The following ZPBP2 variants were observed in gnomAD, a reference collection of about 807,000 sequenced individuals.
ZPBP2 encodes zona pellucida binding protein 2, also known as zona pellucida-binding protein 2.
A neutral mutation model predicts 37.5 loss-of-function variants in ZPBP2; 34 were observed. The ratio of observed to expected loss-of-function variants is 0.91; its 90% CI spans 0.69 to 1.21. ZPBP2 has a LOEUF of 1.21. ZPBP2 is among the 50% of genes most tolerant of loss of function. The pLI is 0.00. For synonymous variants in ZPBP2, 143 were observed against 138.4 expected (o/e 1.03, Z -0.23); for missense variants, 397 against 413.5 (o/e 0.96, Z 0.35).
chr17:39,869,457 T>A (rs1287589073), intron 2 of ZPBP2, among the ~76,000 whole-genome samples: 1 of 144,754 alleles, frequency 6.9e-6, no homozygotes, highest in Non-Finnish European at 1.5e-5. Flanking sequence ...CAGGCTGGAG[T>A]GCAATGGCAC....
chr17:39,868,598 C>A lies in ZPBP2; in HGVS notation c.102C>A (p.Gly34=). Residue 34 remains glycine, a synonymous_variant, in exon 2 of 8, where the codon GGC becomes GGA. Transcript: ENST00000348931. The part of the protein sequence containing the change: ...TLFNKKGFIY[G]KTGQPDKIYV... The stretch of plus-strand genomic sequence containing the variant: ...TCAATAAGAAGGGCTTCATTTATGG[C>A]AAGACAGGACAGCCAGGTAATAAGG... The A allele has an allele frequency of 6.2e-7, 1 of 1,614,092 alleles. No homozygotes were observed. The highest frequency in any genetic ancestry group is 8.5e-7 in the Non-Finnish European group (1 of 1,180,030).
rs1341881155 is a variant in ZPBP2, at chr17:39,876,754, A to G, written c.962A>G (p.Tyr321Cys). 20 of 1,613,784 alleles carry G rather than the reference A, an allele frequency of 1.2e-5. No individual in the cohort carries two copies. The highest frequency in any genetic ancestry group is 1.6e-5 in the Non-Finnish European group (19 of 1,179,916). Residue 321 changes from tyrosine (Y) to cysteine (C), a missense_variant, in exon 8 of 8, where the codon TAT (tyrosine) becomes TGT (cysteine). Coordinates refer to ENST00000348931, the MANE Select transcript of ZPBP2 (RefSeq NM_199321.3). ...CAGACCTGCGTTTCCGTCCTTACCTATGGAGCTAAATCTTGCCCACAAACT... is the reference window on the plus strand; with the variant it reads ...CAGACCTGCGTTTCCGTCCTTACCTGTGGAGCTAAATCTTGCCCACAAACT... ...TCQTCVSVLT[Y>C]GAKSCPQTSN...
At chr17:39,872,145 A>T (rs1238814090) in intron 4 of ZPBP2, 125 bp from the exon 5 acceptor site, 1 of 657,528 alleles carries the variant, frequency 1.5e-6, no homozygotes. Flanking sequence ...ATAAAACGTT[A>T]TGTTTCTATG....
intron 3 of ZPBP2, among the ~76,000 whole-genome samples, chr17:39,871,144 A>G (rs774738093): frequency 2.0e-5 from 3 of 152,166 alleles, no homozygotes; most frequent in Non-Finnish European, 4.4e-5. Context: ...GCCTTGGAAC[A>G]TAAGTATTAT....
chr17:39,875,883 C>CCTTTTTTTTT lies in ZPBP2; in HGVS notation c.889+449_889+450insCTTTTTTTTT, dbSNP rs1555647948. Among the ~76,000 whole-genome samples the CCTTTTTTTTT allele has an allele frequency of 2.0e-4, 13 of 63,772 alleles. 1 individual carries two copies. Among genetic ancestry groups the CCTTTTTTTTT allele is most frequent in the Non-Finnish European group, 4.0e-4 (12 of 30,090 alleles). The allele number at this position is 63,772 out of a possible 152,430, so 41.8% of individuals were successfully genotyped here. A position where few individuals can be genotyped will look rare whatever the true frequency, so the allele number is the denominator to read the frequency against. On this transcript the variant is annotated intron_variant, in intron 7 of 7. Coordinates refer to ENST00000348931, the MANE Select transcript of ZPBP2 (RefSeq NM_199321.3). ...AGGTGTGGGCTACCATGCTTGGCCC[C>CCTTTTTTTTT]TTTTTTTTTTTTTTTTTTTTTTTTT...
chr17:39,870,494 A>G (rs1325344825), intron 2 of ZPBP2, among the ~76,000 whole-genome samples, 200 bp from the exon 3 acceptor site: 1 of 150,974 alleles, frequency 6.6e-6, no homozygotes, highest in African/African-American at 2.5e-5. Context: ...ACTCGTGACT[A>G]ACAGTGTAGA....
At position 39,871,461 on chromosome 17, in the gene ZPBP2, T is replaced by C; in HGVS notation, c.245-3T>C. 1.9e-6 allele frequency: 3 copies of C among 1,560,470 alleles called. No homozygotes were observed. Among genetic ancestry groups the C allele is most frequent in the African/African-American group, 2.8e-5 (2 of 72,532 alleles). On this transcript the variant is annotated splice_polypyrimidine_tract_variant and splice_region_variant and intron_variant, in intron 3 of 7. Transcript: ENST00000348931. ...TAAATAAGTAATTTACTATTCTGTT[T>C]AGGAAATAATAGAATAAATATAACT...
intron 2 of ZPBP2, among the ~76,000 whole-genome samples, chr17:39,869,979 G>A (rs2063356021): frequency 6.6e-6 from 1 of 152,094 alleles, no homozygotes; most frequent in South Asian, 2.1e-4. Context: ...CTCCCAAAGT[G>A]CTGGGATTAC....
Position 39,868,252 on chromosome 17 carries a change from C to T in ZPBP2, c.-103C>T, listed in dbSNP as rs1478389400. The T allele has an allele frequency of 9.0e-6, 12 of 1,335,140 alleles. No homozygotes were observed. Among genetic ancestry groups the T allele is most frequent in the African/African-American group, 1.4e-5 (1 of 69,472 alleles). 82.7% of individuals were successfully genotyped at this position (1,335,140 alleles called of 1,614,324 possible). ...GGACGGGTAGGGGAGGCGACCCCGG[C>T]GTTCTGCTCCGCACTGTGGAGGAGG... On this transcript the variant is annotated 5_prime_UTR_variant, in exon 1 of 8. Transcript: ENST00000348931.
At chr17:39,870,170 G>C (rs995042248) in intron 2 of ZPBP2, among the ~76,000 whole-genome samples, 4 of 151,902 alleles carry the variant, frequency 2.6e-5, no homozygotes, top group African/African-American at 9.7e-5. Context: ...CAGCCTCCCG[G>C]GTAGCTGGGA....
intron 2 of ZPBP2, among the ~76,000 whole-genome samples, chr17:39,869,262 C>T (rs765751518): frequency 6.6e-6 from 1 of 152,150 alleles, no homozygotes; most frequent in African/African-American, 2.4e-5. Context: ...AAACCAGAAA[C>T]AAGAAGTAAT....
chr17:39,871,960 AT>A (rs1449660002), intron 4 of ZPBP2, among the ~76,000 whole-genome samples: 4 of 152,100 alleles, frequency 2.6e-5, no homozygotes, highest in African/African-American at 9.7e-5. Context: ...AGCAATGACA[AT>A]TTCTGTGAAT....
rs1434684591 is a variant in ZPBP2, at chr17:39,877,775, T to C, written c.*966T>C. 2 of 152,220 alleles carry C rather than the reference T, an allele frequency of 1.3e-5. No individual in the cohort carries two copies. The highest frequency in any genetic ancestry group is 1.3e-4 in the Admixed American group (2 of 15,286). The allele number at this position is 152,220 out of a possible 1,614,324, so 9.4% of individuals were successfully genotyped here. A position where few individuals can be genotyped will look rare whatever the true frequency, so the allele number is the denominator to read the frequency against. On this transcript the variant is annotated 3_prime_UTR_variant, in exon 8 of 8. Transcript: ENST00000348931. Reference sequence around the variant, plus strand: ...GTCTTTTTGTGACTTGATAGCTCATTTTTTATTGCTGAATAATGTTCATTG... The same window carrying C: ...GTCTTTTTGTGACTTGATAGCTCATCTTTTATTGCTGAATAATGTTCATTG...
At position 39,868,376 on chromosome 17, in the gene ZPBP2, C is replaced by A. The variant is rs1568089139; in HGVS notation, c.22C>A (p.Leu8Ile). MMRTCVL[L>I]SAVLWCLTGV... ...AGCGATGATGCGAACGTGCGTCCTACTCTCCGCGGTGCTCTGGTGCCTCAC... is the reference window on the plus strand; with the variant it reads ...AGCGATGATGCGAACGTGCGTCCTAATCTCCGCGGTGCTCTGGTGCCTCAC... The change falls in exon 1 of 8, where the codon CTC (leucine) becomes ATC (isoleucine). Residue 8 changes from leucine to isoleucine, a missense_variant. Physicochemically the swap from Leu to Ile is conservative, Grantham distance 5. Coordinates refer to ENST00000348931, the MANE Select transcript of ZPBP2 (RefSeq NM_199321.3). 1 of 1,610,256 alleles carries A rather than the reference C, an allele frequency of 6.2e-7. No homozygotes were observed. Among genetic ancestry groups the A allele is most frequent in the South Asian group, 1.1e-5 (1 of 91,084 alleles).
chr17:39,877,460 C>T lies in ZPBP2; in HGVS notation c.*651C>T, dbSNP rs1054241236. On this transcript the variant is annotated 3_prime_UTR_variant, in exon 8 of 8. Coordinates refer to ENST00000348931, the MANE Select transcript of ZPBP2 (RefSeq NM_199321.3). ...ATATTAATTTATTATTAATTATAGC[C>T]CATAGTTCACATTAAGATTCATTGT... The T allele has an allele frequency of 6.6e-6, 1 of 152,062 alleles. No individual in the cohort carries two copies. Among genetic ancestry groups the T allele is most frequent in the African/African-American group, 2.4e-5 (1 of 41,374 alleles). The allele number at this position is 152,062 out of a possible 1,614,324, so 9.4% of individuals were successfully genotyped here. A position where few individuals can be genotyped will look rare whatever the true frequency, so the allele number is the denominator to read the frequency against.
chr17:39,868,847 A>G (rs888792157), intron 2 of ZPBP2, among the ~76,000 whole-genome samples: 1 of 152,194 alleles, frequency 6.6e-6, no homozygotes, highest in Non-Finnish European at 1.5e-5. Context: ...GATTTATTCC[A>G]GATCTCTCTC....
chr17:39,872,432 A>G lies in ZPBP2; in HGVS notation c.569A>G (p.His190Arg), dbSNP rs1277012116. The G allele has an allele frequency of 1.2e-6, 2 of 1,613,216 alleles. No individual in the cohort carries two copies. The highest frequency in any genetic ancestry group is 1.7e-6 in the Non-Finnish European group (2 of 1,179,750). Residue 190 changes from histidine (H) to arginine (R), a missense_variant, in exon 5 of 8, where the codon CAT (histidine) becomes CGT (arginine). Physicochemically the swap from His to Arg is conservative, Grantham distance 29 (BLOSUM62 0). Transcript: ENST00000348931. ...GTCATAGAGCCATCATATAAATGCC[A>G]TTCTGTTGAAATTCCAGAACATGGC... ...CHVIEPSYKC[H>R]SVEIPEHGLI...
At position 39,876,843 on chromosome 17, in the gene ZPBP2, G is replaced by A. The variant is rs774606231; in HGVS notation, c.*34G>A. 3.7e-5 allele frequency: 60 copies of A among 1,610,002 alleles called. No individual in the cohort carries two copies. Among genetic ancestry groups the A allele is most frequent in the Middle Eastern group, 1.7e-4 (1 of 6,058 alleles). On this transcript the variant is annotated 3_prime_UTR_variant, in exon 8 of 8. Transcript: ENST00000348931. ...GCATTGTTACTTACTTGTGGAAGTC[G>A]GGGACATAAGATGATTTTCACATCC...
intron 7 of ZPBP2, among the ~76,000 whole-genome samples, chr17:39,875,883 C>CTTTTT (rs34192567): frequency 2.7e-4 from 17 of 63,778 alleles, no homozygotes; most frequent in Non-Finnish European, 5.0e-4. Flanking sequence ...TGCTTGGCCC[C>CTTTTT]TTTTTTTTTT....
Sources: allele counts gnomAD v4.1 joint callset (sites outside exome capture counted in the v4.1 genomes callset), GRCh38; gene constraint gnomAD v4.1.1; transcripts MANE v1.5; gene names NCBI Gene and HGNC (gene_info 2026-07-23, HGNC 2026-07-21).